The following PGLYRP2 variants were observed in gnomAD, a reference collection of about 807,000 sequenced individuals.
PGLYRP2 encodes the protein peptidoglycan recognition protein 2.
In PGLYRP2, 38 loss-of-function variants were observed where a neutral mutation model predicts 46.2. The observed-to-expected ratio is 0.82, with a 90% CI of 0.64 to 1.08. PGLYRP2 has a LOEUF of 1.08. Among genes scored for constraint, PGLYRP2 ranks in the 50% least tolerant of loss-of-function variants. PGLYRP2 has a pLI of 0.00. For missense variants in PGLYRP2, 713 were observed against 755.9 expected, an observed-to-expected ratio of 0.94 and a Z score of 0.67; for synonymous variants, 289 against 329.4, an observed-to-expected ratio of 0.88 and a Z score of 1.33.
chr19:15,474,053 A>G (rs1405890441), intron 2 of PGLYRP2, among the ~76,000 whole-genome samples: 3 of 152,136 alleles, frequency 2.0e-5, no homozygotes, highest in Non-Finnish European at 4.4e-5. Context: ...AAAAAGACAG[A>G]AAAGCCGGGT....
intron 2 of PGLYRP2, among the ~76,000 whole-genome samples, chr19:15,473,609 G>T (rs1970769631): frequency 6.7e-6 from 1 of 148,618 alleles, no homozygotes; most frequent in African/African-American, 2.5e-5. Context: ...GCTAGGCAAA[G>T]AATTCATGAC....
At chr19:15,474,903 C>T (rs948031908) in intron 2 of PGLYRP2, among the ~76,000 whole-genome samples, 1 of 151,610 alleles carries the variant, frequency 6.6e-6, no homozygotes, top group Non-Finnish European at 1.5e-5. Context: ...AGGAGAATTG[C>T]TTGAACCCAG....
chr19:15,470,887 A>AC (rs1381783436), intron 3 of PGLYRP2, among the ~76,000 whole-genome samples: 9 of 140,704 alleles, frequency 6.4e-5, no homozygotes, highest in African/African-American at 2.1e-4. Context: ...CAGGTGATCC[A>AC]CCCGCCTCAG....
intron 1 of PGLYRP2, among the ~76,000 whole-genome samples, chr19:15,477,805 T>A (rs527527785): frequency 6.6e-6 from 1 of 152,178 alleles, no homozygotes; most frequent in South Asian, 2.1e-4. Flanking sequence ...GTTGGGGAAA[T>A]GTCAGTGGCT....
intron 3 of PGLYRP2, among the ~76,000 whole-genome samples, chr19:15,470,151 C>T (rs1970730992): frequency 6.6e-6 from 1 of 151,878 alleles, no homozygotes; most frequent in African/African-American, 2.4e-5. Flanking sequence ...TGGCACGCCC[C>T]TTTCTGCCCT....
Position 15,469,575 on chromosome 19 carries a change from G to C in PGLYRP2, c.1641+57C>G. The stretch of plus-strand genomic sequence containing the variant: ...TACAGGCAGGGGGCAGGGGCCTCGT[G>C]GAGCTTGTGTAGACGGAGGGGCGGC... On this transcript the variant is annotated intron_variant, in intron 4 of 4. Coordinates refer to ENST00000340880, the MANE Select transcript of PGLYRP2 (RefSeq NM_052890.4). This position sits in a 1 kb window ranked among gnomAD's most constrained non-coding sequence, Gnocchi z 4.9. 1 of 1,549,650 alleles carries C rather than the reference G, an allele frequency of 6.5e-7. No homozygotes were observed. The highest frequency in any genetic ancestry group is 8.7e-7 in the Non-Finnish European group (1 of 1,153,662).
Position 15,471,939 on chromosome 19 carries a change from T to C in PGLYRP2, c.1294A>G (p.Met432Val). ...FTRCAANMRSMQRYHQDTQGW... is the reference protein window; with the variant it reads ...FTRCAANMRSVQRYHQDTQGW... ...TGCGTGTCCTGGTGGTAGCGCTGCA[T>C]GGAGCGCATGTTGGCTGCGCAGCGC... The change falls in exon 3 of 5, where the codon ATG becomes GTG. Residue 432 changes from methionine to valine, a missense_variant. Transcript: ENST00000340880. The C allele has an allele frequency of 6.2e-7, 1 of 1,614,072 alleles. No homozygotes were observed. Among genetic ancestry groups the C allele is most frequent in the Non-Finnish European group, 8.5e-7 (1 of 1,179,960 alleles).
chr19:15,475,941 C>T lies in PGLYRP2; in HGVS notation c.729G>A (p.Leu243=). 6.2e-7 allele frequency: 1 copy of T among 1,614,152 alleles called. No homozygotes were observed. The highest frequency in any genetic ancestry group is 8.5e-7 in the Non-Finnish European group (1 of 1,180,022). The change falls in exon 2 of 5, where the codon CTG becomes CTA. Residue 243 remains leucine (L), a synonymous_variant. Coordinates refer to ENST00000340880, the MANE Select transcript of PGLYRP2 (RefSeq NM_052890.4). ...RGSQTQSHPD[L]GTEGCWDQLS... is the part of the protein sequence containing the mutation. ...GCTGGTCCCAGCAGCCCTCAGTTCC[C>T]AGGTCTGGATGGCTCTGGGTCTGGG...
intron 2 of PGLYRP2, 57 bp downstream of exon 2, chr19:15,475,481 G>T: frequency 6.8e-7 from 1 of 1,475,956 alleles, no homozygotes; most frequent in Non-Finnish European, 9.2e-7. Flanking sequence ...AATATACGGG[G>T]TGGGGGCGTC....
Position 15,469,693 on chromosome 19 carries a change from C to T in PGLYRP2, c.1580G>A (p.Arg527His), listed in dbSNP as rs1346420654. 6.5e-7 allele frequency: 1 copy of T among 1,527,148 alleles called. No homozygotes were observed. Among genetic ancestry groups the T allele is most frequent in the Non-Finnish European group, 8.8e-7 (1 of 1,142,658 alleles). 94.6% of individuals were successfully genotyped at this position (1,527,148 alleles called of 1,614,324 possible). The part of the protein sequence containing the change: ...YALLGHRQLV[R>H]TDCPGDALFD... ...GAGCGCGTCGCCGGGGCAGTCGGTG[C>T]GCACCAGCTGGCGGTGGCCCAGCAG... is the stretch of plus-strand genomic sequence containing the variant. The change falls in exon 4 of 5, where the codon CGC becomes CAC. Residue 527 changes from arginine (R) to histidine (H), a missense_variant. Arg to His is a conservative substitution (Grantham distance 29). Transcript: ENST00000340880. This position sits in a 1 kb window ranked among gnomAD's most constrained non-coding sequence, Gnocchi z 4.9.
rs1417982177 is a variant in PGLYRP2, at chr19:15,469,857, G to C, written c.1416C>G (p.Gly472=). 1 of 1,513,306 alleles carries C rather than the reference G, an allele frequency of 6.6e-7. No individual in the cohort carries two copies. The highest frequency in any genetic ancestry group is 2.6e-5 in the East Asian group (1 of 38,484). The allele number at this position is 1,513,306 out of a possible 1,614,324, so 93.7% of individuals were successfully genotyped here. The change falls in exon 4 of 5, where the codon GGC becomes GGG. Residue 472 remains glycine, a synonymous_variant. Transcript: ENST00000340880. This position sits in a 1 kb window ranked among gnomAD's most constrained non-coding sequence, Gnocchi z 4.9. ...CCACGCCGAAGCCCCGGGAGTTGTG[G>C]CCGAGCGTGTGGGCGCCCACCCAGT... ...GWHWVGAHTL[G]HNSRGFGVAI...
chr19:15,477,406 A>G (rs976017796), intron 1 of PGLYRP2, among the ~76,000 whole-genome samples: 1 of 142,982 alleles, frequency 7.0e-6, no homozygotes, highest in Non-Finnish European at 1.5e-5. Flanking sequence ...AAAAAAAAAA[A>G]AAAAAAAAAT....
chr19:15,475,918 TG>T lies in PGLYRP2; in HGVS notation c.751del (p.Gln251SerfsTer18). 6.2e-7 allele frequency: 1 copy of T among 1,614,154 alleles called. No homozygotes were observed. Among genetic ancestry groups the T allele is most frequent in the Non-Finnish European group, 8.5e-7 (1 of 1,180,022 alleles). ...CGTAAAGGTCCGAGGGGCAGAGAGCTGGTCCCAGCAGCCCTCAGTTCCCAGG... is the reference window on the plus strand; with the variant it reads ...CGTAAAGGTCCGAGGGGCAGAGAGCTGTCCCAGCAGCCCTCAGTTCCCAGG... ...PDLGTEGCWD[Q>X]LSAPRTFTLL... On this transcript the variant is annotated frameshift_variant, in exon 2 of 5. Coordinates refer to ENST00000340880, the MANE Select transcript of PGLYRP2 (RefSeq NM_052890.4). LOFTEE classifies it high-confidence loss of function.
chr19:15,472,485 G>A (rs1970759516), intron 2 of PGLYRP2, among the ~76,000 whole-genome samples: 1 of 152,018 alleles, frequency 6.6e-6, no homozygotes, highest in Non-Finnish European at 1.5e-5. Flanking sequence ...AGCTACTTGG[G>A]AAGCTGAGGC....
intron 2 of PGLYRP2, 25 bp downstream of exon 2, chr19:15,475,513 C>T (rs769829471): frequency 1.3e-6 from 2 of 1,554,422 alleles, no homozygotes; most frequent in Admixed American, 1.8e-5. Context: ...TGGGAAGGAT[C>T]ACAGGGTGTG....
rs1030353916 is a variant in PGLYRP2 at position 15,479,239 on chromosome 19, CAT to C, written c.61+70_61+71del. 42 of 1,513,118 alleles carry C rather than the reference CAT, an allele frequency of 2.8e-5. No individual in the cohort carries two copies. The African/African-American group carries it at 4.7e-4, about 17-fold the overall frequency. The allele number at this position is 1,513,118 out of a possible 1,614,324, so 93.7% of individuals were successfully genotyped here. ...CAGCCTCACTCCATGCAGGGCAAGA[CAT>C]AGATGGGACAGCAGTACGCCTTCTG... On this transcript the variant is annotated intron_variant, in intron 1 of 4. Coordinates refer to ENST00000340880, the MANE Select transcript of PGLYRP2 (RefSeq NM_052890.4).
chr19:15,476,625 T>C lies in PGLYRP2; in HGVS notation c.62-17A>G. ...GCAGGGAGGCTGCAGGAGGAAAGAA[T>C]GTGTTAGCCCAGCCCCACCCATTCC... On this transcript the variant is annotated splice_polypyrimidine_tract_variant and intron_variant, in intron 1 of 4. Coordinates refer to ENST00000340880, the MANE Select transcript of PGLYRP2 (RefSeq NM_052890.4). 1.9e-6 allele frequency: 3 copies of C among 1,556,924 alleles called. No individual in the cohort carries two copies. The highest frequency in any genetic ancestry group is 2.6e-6 in the Non-Finnish European group (3 of 1,153,408).
At chr19:15,473,327 G>T (rs1051660961) in intron 2 of PGLYRP2, among the ~76,000 whole-genome samples, 1 of 151,574 alleles carries the variant, frequency 6.6e-6, no homozygotes, top group Non-Finnish European at 1.5e-5. Context: ...AAAATTAGCC[G>T]GGCATGGTGG....
At chr19:15,472,903 A>G (rs974246300) in intron 2 of PGLYRP2, among the ~76,000 whole-genome samples, 1 of 152,202 alleles carries the variant, frequency 6.6e-6, no homozygotes, top group Non-Finnish European at 1.5e-5. Context: ...CGAGCCTGGT[A>G]TCACATTACC....
Sources: gnomAD v4.1 joint callset for allele counts (sites outside exome capture counted in the v4.1 genomes callset) on GRCh38, gnomAD v4.1.1 for gene constraint, Gnocchi (gnomAD v3.1) non-coding constraint, MANE v1.5 for transcripts, NCBI Gene and HGNC (gene_info 2026-07-23, HGNC 2026-07-21) for gene names.